The following UNC13B variants were observed in gnomAD, a reference collection of about 807,000 sequenced individuals.
UNC13B encodes the protein protein unc-13 homolog B.
In UNC13B, 144 loss-of-function variants were observed where a neutral mutation model predicts 211.0. The ratio of observed to expected loss-of-function variants is 0.68; its 90% confidence interval spans 0.60 to 0.78. UNC13B has a LOEUF of 0.78. UNC13B is among the 30% of genes least tolerant of loss of function. The pLI, the probability that UNC13B is intolerant of heterozygous loss-of-function variation, is 0.00. For synonymous variants in UNC13B, 709 were observed against 725.8 expected, an observed-to-expected ratio of 0.98 and a Z score of 0.37; for missense variants, 1,777 against 2,002.0, an observed-to-expected ratio of 0.89 and a Z score of 2.14.
rs982290218 is a variant in UNC13B at position 35,303,152 on chromosome 9, G to A, written c.3748G>A (p.Glu1250Lys). ...VEKHETSSFIEASLLPKENIP... is the reference protein window; with the variant it reads ...VEKHETSSFIKASLLPKENIP... Reference sequence around the variant, plus strand: ...AAAACATGAAACTTCTAGCTTCATAGAAGCCTCCTTATTACCTAAAGAAAA... The same window carrying A: ...AAAACATGAAACTTCTAGCTTCATAAAAGCCTCCTTATTACCTAAAGAAAA... Residue 1250 changes from glutamate to lysine, a missense_variant, in exon 9 of 40, where the codon GAA (glutamate) becomes AAA (lysine). By Grantham distance (56) the Glu-to-Lys change is moderately conservative. Coordinates refer to ENST00000635942, the MANE Select transcript of UNC13B (RefSeq NM_001371189.2). 5 of 398,650 alleles carry A rather than the reference G, an allele frequency of 1.3e-5. No homozygotes were observed. Among genetic ancestry groups the A allele is most frequent in the Non-Finnish European group, 2.2e-5 (5 of 225,780 alleles). The allele number at this position is 398,650 out of a possible 1,614,324, so 24.7% of individuals were successfully genotyped here.
chr9:35,178,417 A>G lies in UNC13B; in HGVS notation c.22+16112A>G, dbSNP rs1821752937. On this transcript the variant is annotated intron_variant, in intron 1 of 39. Transcript: ENST00000635942. Reference sequence around the variant, plus strand: ...GAGGCTGAGGTGGGAGGATTGCTTAAACCCAGGAGGCGGAGGTTGCAGTGA... The same window carrying G: ...GAGGCTGAGGTGGGAGGATTGCTTAGACCCAGGAGGCGGAGGTTGCAGTGA... Among the ~76,000 whole-genome samples the G allele has an allele frequency of 2.0e-5, 3 of 152,070 alleles. No homozygotes were observed. In the South Asian group the frequency reaches 6.2e-4, roughly 31 times the overall value.
intron 1 of UNC13B, among the ~76,000 whole-genome samples, chr9:35,207,498 A>ATTTATTTC (rs1351950470): frequency 6.7e-6 from 1 of 149,748 alleles, no homozygotes; most frequent in Admixed American, 6.7e-5. Flanking sequence ...TTATTTATTT[A>ATTTATTTC]TTTATTTATT....
chr9:35,259,280 A>G (rs577651357), intron 7 of UNC13B, among the ~76,000 whole-genome samples: 30 of 151,934 alleles, frequency 2.0e-4, no homozygotes, highest in African/African-American at 7.0e-4. Flanking sequence ...TTTTTTCTAC[A>G]TTTGTTAGCT....
rs769977712 is a variant in UNC13B at position 35,310,438 on chromosome 9, A to G, written c.9009-29A>G. On this transcript the variant is annotated intron_variant, in intron 9 of 39. Coordinates refer to ENST00000635942, the MANE Select transcript of UNC13B (RefSeq NM_001371189.2). ...TCCTGGTCCCTGATTGCATTTATTTACTTATCTGTCTTTCTGTCATTCTCA... is the reference window on the plus strand; with the variant it reads ...TCCTGGTCCCTGATTGCATTTATTTGCTTATCTGTCTTTCTGTCATTCTCA... 4 of 1,602,008 alleles carry G rather than the reference A, an allele frequency of 2.5e-6. No homozygotes were observed. In the South Asian group the frequency reaches 3.3e-5, roughly 13 times the overall value.
chr9:35,249,887 G>T (rs1405574092), intron 6 of UNC13B, among the ~76,000 whole-genome samples: 7 of 151,944 alleles, frequency 4.6e-5, no homozygotes, highest in Non-Finnish European at 1.0e-4. Flanking sequence ...TTATTCTAGG[G>T]TATGGCACTC....
rs553771154 is a variant in UNC13B, at chr9:35,295,801, C to T, written c.632C>T (p.Ala211Val). 5.6e-6 allele frequency: 9 copies of T among 1,614,174 alleles called. No homozygotes were observed. In the East Asian group the frequency reaches 2.0e-4, roughly 36 times the overall value. ...PPYHTASQPN[A>V]SVHQFPVPVR... ...TACCATACAGCTTCCCAGCCCAACGCTTCTGTGCACCAGTTCCCTGTGCCG... is the reference window on the plus strand; with the variant it reads ...TACCATACAGCTTCCCAGCCCAACGTTTCTGTGCACCAGTTCCCTGTGCCG... The change falls in exon 8 of 40, where the codon GCT becomes GTT. Residue 211 changes from alanine (A) to valine (V), a missense_variant. By Grantham distance (64) the Ala-to-Val change is moderately conservative (BLOSUM62 0). Transcript: ENST00000635942.
At chr9:35,176,227 T>G (rs1384799358) in intron 1 of UNC13B, among the ~76,000 whole-genome samples, 2 of 151,086 alleles carry the variant, frequency 1.3e-5, no homozygotes, top group Non-Finnish European at 3.0e-5. Context: ...TTGAGGAGAG[T>G]GCAAAGGGTT....
At chr9:35,367,773 AC>A (rs1478552867) in intron 12 of UNC13B, among the ~76,000 whole-genome samples, 1 of 152,108 alleles carries the variant, frequency 6.6e-6, no homozygotes, top group African/African-American at 2.4e-5. Context: ...GGAGTTTCAG[AC>A]CTGTGTGATT....
chr9:35,404,747 C>G lies in UNC13B; in HGVS notation c.*714C>G, dbSNP rs887396921. The G allele has an allele frequency of 2.6e-5, 4 of 152,590 alleles. No homozygotes were observed. The highest frequency in any genetic ancestry group is 5.9e-5 in the Non-Finnish European group (4 of 68,110). 9.5% of individuals were successfully genotyped at this position (152,590 alleles called of 1,614,324 possible). A position where few individuals can be genotyped will look rare whatever the true frequency, so the allele number is the denominator to read the frequency against. On this transcript the variant is annotated 3_prime_UTR_variant, in exon 40 of 40. Coordinates refer to ENST00000635942, the MANE Select transcript of UNC13B (RefSeq NM_001371189.2). ...CTAGGGGCCACCTGCCTGGGAGTCT[C>G]CCTGCCTCACTCCTCTAGGCAGGGG...
chr9:35,271,849 C>G (rs1018268101), intron 7 of UNC13B, among the ~76,000 whole-genome samples: 6 of 152,136 alleles, frequency 3.9e-5, no homozygotes, highest in Non-Finnish European at 8.8e-5. Flanking sequence ...CTACTTACAT[C>G]AAAACCATCC....
At position 35,304,418 on chromosome 9, in the gene UNC13B, G is replaced by A; in HGVS notation, c.5014G>A (p.Asp1672Asn). ...SFKERPCGSE[D>N]AECTLDLRNQ... ...CAAAGAAAGGCCGTGTGGTTCTGAA[G>A]ACGCTGAATGTACATTAGATCTCAG... The change falls in exon 9 of 40, where the codon GAC becomes AAC. Residue 1672 changes from aspartate (D) to asparagine (N), a missense_variant. Asp to Asn is a conservative substitution (Grantham distance 23, BLOSUM62 1). Coordinates refer to ENST00000635942, the MANE Select transcript of UNC13B (RefSeq NM_001371189.2). 2.5e-6 allele frequency: 1 copy of A among 398,632 alleles called. No individual in the cohort carries two copies. The highest frequency in any genetic ancestry group is 4.4e-6 in the Non-Finnish European group (1 of 225,888). The allele number at this position is 398,632 out of a possible 1,614,324, so 24.7% of individuals were successfully genotyped here. A position where few individuals can be genotyped will look rare whatever the true frequency, so the allele number is the denominator to read the frequency against.
chr9:35,344,458 C>T (rs1320217411), intron 11 of UNC13B, among the ~76,000 whole-genome samples: 2 of 152,162 alleles, frequency 1.3e-5, no homozygotes, highest in South Asian at 2.1e-4. Flanking sequence ...GATTCTAATT[C>T]GGCTCTGCCA....
chr9:35,182,396 CTG>C (rs1368071699), intron 1 of UNC13B, among the ~76,000 whole-genome samples: 2 of 151,758 alleles, frequency 1.3e-5, no homozygotes, highest in Non-Finnish European at 1.5e-5. Context: ...AATTTAGAAA[CTG>C]TGAAACCAAT....
intron 1 of UNC13B, among the ~76,000 whole-genome samples, chr9:35,219,329 C>T (rs1242657404): frequency 6.6e-6 from 1 of 152,072 alleles, no homozygotes; most frequent in Non-Finnish European, 1.5e-5. Context: ...TTAGGAGAAG[C>T]CACTTGACTC....
chr9:35,318,942 C>T (rs537417055), intron 11 of UNC13B, among the ~76,000 whole-genome samples: 2 of 152,154 alleles, frequency 1.3e-5, no homozygotes, highest in African/African-American at 4.8e-5. Flanking sequence ...GCAACCAACA[C>T]CTGGAACACT....
chr9:35,286,424 G>A (rs1292699903), intron 7 of UNC13B, among the ~76,000 whole-genome samples: 1 of 151,728 alleles, frequency 6.6e-6, no homozygotes, highest in African/African-American at 2.4e-5. Flanking sequence ...GTAGAGAAGA[G>A]GTTTCACTAT....
intron 38 of UNC13B, 30 bp from the exon 39 acceptor site, chr9:35,403,410 A>T: frequency 3.7e-6 from 6 of 1,610,838 alleles, no homozygotes; most frequent in Non-Finnish European, 5.1e-6. Context: ...TCCTGGTGGG[A>T]TCCCTCACAG....
intron 6 of UNC13B, among the ~76,000 whole-genome samples, chr9:35,250,444 C>T (rs1429438859): frequency 1.3e-5 from 2 of 152,112 alleles, no homozygotes; most frequent in African/African-American, 4.8e-5. Context: ...TGTTTTCTTT[C>T]ACTTAGCATA....
chr9:35,320,608 T>G (rs1413900806), intron 11 of UNC13B, among the ~76,000 whole-genome samples: 3 of 152,218 alleles, frequency 2.0e-5, no homozygotes, highest in Non-Finnish European at 4.4e-5. Context: ...AGAATGCTCT[T>G]TCTCTTAATT....
Sources: allele counts gnomAD v4.1 joint callset (sites outside exome capture counted in the v4.1 genomes callset), GRCh38; gene constraint gnomAD v4.1.1; transcripts MANE v1.5; gene names NCBI Gene and HGNC (gene_info 2026-07-23, HGNC 2026-07-21).